CFAP58: variants seen among roughly 807,000 people sequenced by gnomAD.
CFAP58 encodes cilia and flagella associated protein 58, also known as cilia- and flagella-associated protein 58.
Under a neutral mutation model 119.5 loss-of-function variants are expected in CFAP58, and 88 were observed. The ratio of observed to expected loss-of-function variants is 0.74; its 90% CI spans 0.62 to 0.88. The LOEUF is 0.88. CFAP58 is among the 40% of genes least tolerant of loss of function. The pLI, the probability that CFAP58 is intolerant of heterozygous loss-of-function variation, is 0.00. For missense variants in CFAP58, 990 were observed against 1,021.2 expected (o/e 0.97, Z 0.42); for synonymous variants, 365 against 366.3 (o/e 1.00, Z 0.04).
At chr10:104,344,941 A>C in the CFAP58 span, among the ~76,000 whole-genome samples, 1 of 152,062 alleles carries the variant, frequency 6.6e-6, no homozygotes, top group Non-Finnish European at 1.5e-5. Context: ...TGAGGTCAGG[A>C]GTTTAAGACC....
chr10:104,448,838 A>C (rs2013150526), intron 16 of CFAP58, among the ~76,000 whole-genome samples: 1 of 152,268 alleles, frequency 6.6e-6, no homozygotes, highest in Non-Finnish European at 1.5e-5. Flanking sequence ...TAAACAATTG[A>C]ATATTTTGAA....
chr10:104,358,215 T>G, intron 1 of CFAP58, 126 bp from the exon 2 acceptor site: 2 of 875,930 alleles, frequency 2.3e-6, no homozygotes, highest in Middle Eastern at 2.6e-4. Context: ...TTAATTTTTC[T>G]GCTTATCAGT....
At position 104,362,097 on chromosome 10, in the gene CFAP58, T is replaced by C. The variant is rs2014674757; in HGVS notation, c.366T>C (p.Ala122=). 2 of 1,613,978 alleles carry C rather than the reference T, an allele frequency of 1.2e-6. No individual in the cohort carries two copies. Among genetic ancestry groups the C allele is most frequent in the Non-Finnish European group, 1.7e-6 (2 of 1,179,994 alleles). The stretch of plus-strand genomic sequence containing the variant: ...AGAAGGCCAAGGAGACGATTCTTGC[T>C]CTGAAAGAGGAAATAGTGAACCTGA... ...KEQKAKETIL[A]LKEEIVNLTK... is the part of the protein sequence containing the mutation. The change falls in exon 3 of 18, where the codon GCT becomes GCC. Residue 122 remains alanine (A), a synonymous_variant. Coordinates refer to ENST00000369704, the MANE Select transcript of CFAP58 (RefSeq NM_001008723.2).
chr10:104,420,997 C>A (rs956613434), intron 15 of CFAP58, among the ~76,000 whole-genome samples: 1 of 152,108 alleles, frequency 6.6e-6, no homozygotes, highest in Non-Finnish European at 1.5e-5. Flanking sequence ...AAGTGATCCA[C>A]CAACCTTGGC....
chr10:104,434,642 G>A (rs563292795), intron 15 of CFAP58, among the ~76,000 whole-genome samples: 46 of 152,360 alleles, frequency 3.0e-4, no homozygotes, highest in African/African-American at 1.0e-3. Flanking sequence ...CATGGATTCA[G>A]CCAGGTGACC....
intron 2 of CFAP58, 149 bp from the exon 3 acceptor site, chr10:104,361,874 A>G (rs1468774130): frequency 7.1e-6 from 5 of 702,932 alleles, no homozygotes; most frequent in African/African-American, 1.8e-5. Flanking sequence ...TCAGTGTGCT[A>G]TTCACTATTG....
chr10:104,415,245 A>G (rs1208440165), intron 15 of CFAP58, among the ~76,000 whole-genome samples: 5 of 152,080 alleles, frequency 3.3e-5, no homozygotes, highest in Admixed American at 3.3e-4. Context: ...AGTTGCAGGA[A>G]GCTGGAGTCG....
intron 15 of CFAP58, among the ~76,000 whole-genome samples, chr10:104,421,514 G>A (rs1245448638): frequency 6.6e-6 from 1 of 152,200 alleles, no homozygotes; most frequent in Non-Finnish European, 1.5e-5. Flanking sequence ...CTTTGACTGG[G>A]TGGGTAAACC....
chr10:104,401,746 T>C (rs2012268871), intron 13 of CFAP58, among the ~76,000 whole-genome samples: 2 of 152,056 alleles, frequency 1.3e-5, no homozygotes, highest in African/African-American at 4.8e-5. Context: ...CAAGGATAAA[T>C]CAATACTTTT....
At chr10:104,355,997 A>C (rs767548863) in intron 1 of CFAP58, among the ~76,000 whole-genome samples, 6 of 152,214 alleles carry the variant, frequency 3.9e-5, no homozygotes, top group Non-Finnish European at 5.9e-5. Flanking sequence ...TGCAGTGACA[A>C]ATTTTTGTGT....
rs752050170 is a variant in CFAP58 at position 104,399,511 on chromosome 10, T to G, written c.1815+11T>G. ...AAGGAATTAGACCAGGTAGAGCATCTCCTTGTCAGACTTGCAGACCTTGTC... is the reference window on the plus strand; with the variant it reads ...AAGGAATTAGACCAGGTAGAGCATCGCCTTGTCAGACTTGCAGACCTTGTC... On this transcript the variant is annotated intron_variant, in intron 12 of 17. Transcript: ENST00000369704. 6.2e-7 allele frequency: 1 copy of G among 1,612,228 alleles called. No individual in the cohort carries two copies. Among genetic ancestry groups the G allele is most frequent in the Admixed American group, 1.7e-5 (1 of 59,734 alleles).
At chr10:104,357,144 C>T (rs1047277074) in intron 1 of CFAP58, among the ~76,000 whole-genome samples, 3 of 152,166 alleles carry the variant, frequency 2.0e-5, no homozygotes, top group African/African-American at 7.2e-5. Context: ...CACAATTCAA[C>T]CCCTAAAAGT....
chr10:104,423,013 T>G (rs2012685746), intron 15 of CFAP58, among the ~76,000 whole-genome samples: 1 of 152,238 alleles, frequency 6.6e-6, no homozygotes, highest in South Asian at 2.1e-4. Flanking sequence ...TAAGATTTCT[T>G]TTTTTAATCC....
intron 12 of CFAP58, 58 bp downstream of exon 12, chr10:104,399,558 C>T (rs1193939979): frequency 1.3e-6 from 2 of 1,561,602 alleles, no homozygotes; most frequent in Non-Finnish European, 1.7e-6. Flanking sequence ...GTATTTAATT[C>T]CACCCTTCGA....
rs191459877 is a variant in CFAP58, at chr10:104,375,725, C to A, written c.1091-1086C>A. Among the ~76,000 whole-genome samples the A allele has an allele frequency of 1.7e-3, 247 of 145,692 alleles. 1 individual carries two copies. The highest frequency in any genetic ancestry group is 3.6e-3 in the Middle Eastern group (1 of 276). The stretch of plus-strand genomic sequence containing the variant: ...AAAGGCATGAGACATCAATCGAATA[C>A]GTTTAAGAAATACATTGGTTTGGTT... On this transcript the variant is annotated intron_variant, in intron 7 of 17. Coordinates refer to ENST00000369704, the MANE Select transcript of CFAP58 (RefSeq NM_001008723.2).
intron 15 of CFAP58, among the ~76,000 whole-genome samples, chr10:104,445,289 C>T (rs993517333): frequency 1.3e-4 from 19 of 149,970 alleles, no homozygotes; most frequent in Admixed American, 5.3e-4. Flanking sequence ...TGCCACTGTA[C>T]TCCAGCCTGC....
rs558628365 is a variant in CFAP58, at chr10:104,449,941, C to T, written c.2377-130C>T. The T allele has an allele frequency of 4.0e-5, 34 of 855,682 alleles. 1 individual carries two copies. In the South Asian group the frequency reaches 5.4e-4, roughly 14 times the overall value. The allele number at this position is 855,682 out of a possible 1,614,324, so 53.0% of individuals were successfully genotyped here. ...TGGACCCTGAGCTGGTGGAAGCATG[C>T]AGATTAATTGTGAAACTTGGGCATT... On this transcript the variant is annotated intron_variant, in intron 16 of 17. Transcript: ENST00000369704.
rs759374943 is a variant in CFAP58, at chr10:104,400,769, G to C, written c.1905G>C (p.Gln635His). 2.9e-5 allele frequency: 47 copies of C among 1,614,028 alleles called. No individual in the cohort carries two copies. The Admixed American group carries it at 3.7e-4, about 13-fold the overall frequency. ...ALLYEKIKIQ[Q>H]SVLNKGESQY... ...TCTATGAGAAGATCAAGATCCAACA[G>C]TCTGTGCTGAATAAAGGGGAGAGCC... The change falls in exon 13 of 18, where the codon CAG becomes CAC. Residue 635 changes from glutamine (Q) to histidine (H), a missense_variant. Physicochemically the swap from Gln to His is conservative, Grantham distance 24 (BLOSUM62 0). Transcript: ENST00000369704.
At chr10:104,404,641 G>A (rs563452334) in intron 14 of CFAP58, among the ~76,000 whole-genome samples, 3 of 151,886 alleles carry the variant, frequency 2.0e-5, no homozygotes, top group Admixed American at 6.6e-5. Context: ...ATGGAGTCTC[G>A]CTCTGTCACC....
Sources: gnomAD v4.1 joint callset for allele counts (sites outside exome capture counted in the v4.1 genomes callset) on GRCh38, gnomAD v4.1.1 for gene constraint, MANE v1.5 for transcripts, NCBI Gene and HGNC (gene_info 2026-07-23, HGNC 2026-07-21) for gene names.